Variants in SBF1 observed in about 807,000 individuals in gnomAD.
The protein encoded by SBF1 is SET binding factor 1.
SBF1 carries 65 observed loss-of-function variants against 215.8 expected under a neutral mutation model. That is an observed-to-expected ratio of 0.30 (90% CI 0.25 to 0.37). The LOEUF (loss-of-function observed/expected upper bound fraction) is 0.37. Ranked by LOEUF, SBF1 falls within the 10% of genes least tolerant of loss-of-function variation. SBF1 has a pLI of 1.00. For synonymous variants in SBF1, 1,410 were observed against 1,122.8 expected (o/e 1.26, Z -5.11); for missense variants, 2,634 against 2,667.8 (o/e 0.99, Z 0.28).
chr22:50,446,920 A>G lies in SBF1; in HGVS notation c.*222T>C, dbSNP rs2066846398. Reference sequence around the variant, plus strand: ...TATTTACAGGCCCATTGCGGGCTGTACCTTGGCCACCTCCCGGCACGGTGC... The same window carrying G: ...TATTTACAGGCCCATTGCGGGCTGTGCCTTGGCCACCTCCCGGCACGGTGC... On this transcript the variant is annotated 3_prime_UTR_variant, in exon 41 of 41. Transcript: ENST00000380817. 1.4e-6 allele frequency: 1 copy of G among 721,684 alleles called. No homozygotes were observed. The highest frequency in any genetic ancestry group is 2.5e-6 in the Non-Finnish European group (1 of 396,542). The allele number at this position is 721,684 out of a possible 1,614,324, so 44.7% of individuals were successfully genotyped here.
intron 36 of SBF1, among the ~76,000 whole-genome samples, chr22:50,451,399 G>A (rs1425493062): frequency 6.6e-6 from 1 of 152,090 alleles, no homozygotes; most frequent in African/African-American, 2.4e-5. Flanking sequence ...AAACAAGAAA[G>A]AAAAGAGTAG....
chr22:50,462,397 G>A lies in SBF1; in HGVS notation c.2204C>T (p.Pro735Leu). The A allele has an allele frequency of 1.2e-6, 2 of 1,613,962 alleles. No individual in the cohort carries two copies. Among genetic ancestry groups the A allele is most frequent in the East Asian group, 4.5e-5 (2 of 44,900 alleles). ...DVASEQRRLW[P>L]TLSREKQQEL... ...CTGCTGCTTCTCACGACTCAGAGTT[G>A]GCCACAAGCGCCGCTGCTCAGAAGC... Residue 735 changes from proline to leucine, a missense_variant, in exon 19 of 41, where the codon CCA becomes CTA. Pro to Leu is a moderately conservative substitution (Grantham distance 98, BLOSUM62 -3). Coordinates refer to ENST00000380817, the MANE Select transcript of SBF1 (RefSeq NM_002972.4).
intron 36 of SBF1, among the ~76,000 whole-genome samples, chr22:50,453,515 C>T (rs552934248): frequency 1.3e-5 from 2 of 152,198 alleles, no homozygotes; most frequent in Non-Finnish European, 2.9e-5. Context: ...AGGCCAGGCA[C>T]GGTGGCTCAC....
chr22:50,457,297 G>A lies in SBF1; in HGVS notation c.3827-186C>T, dbSNP rs2067294023. ...ATCCTGGTGTGGGCCTCTCTGCCAGGGCAGGGCAGGCCGCAGAGCACTCCG... is the reference window on the plus strand; with the variant it reads ...ATCCTGGTGTGGGCCTCTCTGCCAGAGCAGGGCAGGCCGCAGAGCACTCCG... On this transcript the variant is annotated intron_variant, in intron 28 of 40. Coordinates refer to ENST00000380817, the MANE Select transcript of SBF1 (RefSeq NM_002972.4). The A allele has an allele frequency of 8.4e-6, 4 of 478,308 alleles. No individual in the cohort carries two copies. The South Asian group carries it at 1.6e-4, about 19-fold the overall frequency. The allele number at this position is 478,308 out of a possible 1,614,324, so 29.6% of individuals were successfully genotyped here.
rs762248647 is a variant in SBF1, at chr22:50,461,654, T to C, written c.2708A>G (p.Tyr903Cys). The C allele has an allele frequency of 6.8e-6, 11 of 1,610,838 alleles. No homozygotes were observed. Among genetic ancestry groups the C allele is most frequent in the South Asian group, 4.4e-5 (4 of 91,040 alleles). Residue 903 changes from tyrosine to cysteine, a missense_variant, in exon 22 of 41, where the codon TAC becomes TGC. Coordinates refer to ENST00000380817, the MANE Select transcript of SBF1 (RefSeq NM_002972.4). ...EECVLDGLRVYLLPDGREEGA... is the reference protein window; with the variant it reads ...EECVLDGLRVCLLPDGREEGA... ...CTCCTCACGCCCATCCGGCAGCAGG[T>C]AGACGCGCAGGCCGTCCAGCACACA...
intron 34 of SBF1, 27 bp downstream of exon 34, chr22:50,454,989 C>T (rs758633209): frequency 2.5e-6 from 4 of 1,614,006 alleles, no homozygotes; most frequent in Non-Finnish European, 3.4e-6. Context: ...TGACCCGTGG[C>T]TGCCCCAGCC....
chr22:50,456,859 T>C (rs576504834), intron 29 of SBF1, among the ~76,000 whole-genome samples, 175 bp downstream of exon 29: 3 of 152,078 alleles, frequency 2.0e-5, no homozygotes, highest in Non-Finnish European at 4.4e-5. Flanking sequence ...TGGCAGCCAG[T>C]GTTAGTTTCT....
At chr22:50,458,380 G>A (rs535477435) in intron 28 of SBF1, among the ~76,000 whole-genome samples, 26 of 151,878 alleles carry the variant, frequency 1.7e-4, no homozygotes, top group African/African-American at 5.8e-4. Flanking sequence ...GAGCCCCTGA[G>A]CATTGCTGGG....
Position 50,447,044 on chromosome 22 carries a change from G to A in SBF1, c.*98C>T, listed in dbSNP as rs369556666. ...GCTGGGGGCTCGGGGCCTCAATACTGTCGAGGGCCGGGGCTGTAAACATGG... is the reference window on the plus strand; with the variant it reads ...GCTGGGGGCTCGGGGCCTCAATACTATCGAGGGCCGGGGCTGTAAACATGG... On this transcript the variant is annotated 3_prime_UTR_variant, in exon 41 of 41. Coordinates refer to ENST00000380817, the MANE Select transcript of SBF1 (RefSeq NM_002972.4). 3.6e-6 allele frequency: 4 copies of A among 1,106,840 alleles called. No individual in the cohort carries two copies. The highest frequency in any genetic ancestry group is 2.6e-5 in the East Asian group (1 of 38,766). 68.6% of individuals were successfully genotyped at this position (1,106,840 alleles called of 1,614,324 possible). A position where few individuals can be genotyped will look rare whatever the true frequency, so the allele number is the denominator to read the frequency against.
At position 50,446,911 on chromosome 22, in the gene SBF1, G is replaced by T. The variant is rs1171273479; in HGVS notation, c.*231C>A. The T allele has an allele frequency of 2.7e-6, 2 of 731,548 alleles. No individual in the cohort carries two copies. Among genetic ancestry groups the T allele is most frequent in the Non-Finnish European group, 5.0e-6 (2 of 401,432 alleles). The allele number at this position is 731,548 out of a possible 1,614,324, so 45.3% of individuals were successfully genotyped here. Reference sequence around the variant, plus strand: ...GGGCCGGACTATTTACAGGCCCATTGCGGGCTGTACCTTGGCCACCTCCCG... The same window carrying T: ...GGGCCGGACTATTTACAGGCCCATTTCGGGCTGTACCTTGGCCACCTCCCG... On this transcript the variant is annotated 3_prime_UTR_variant, in exon 41 of 41. Transcript: ENST00000380817.
At position 50,462,635 on chromosome 22, in the gene SBF1, G is replaced by A; in HGVS notation, c.2051C>T (p.Ala684Val). 1 of 1,612,798 alleles carries A rather than the reference G, an allele frequency of 6.2e-7. No homozygotes were observed. The highest frequency in any genetic ancestry group is 1.1e-5 in the South Asian group (1 of 90,916). Residue 684 changes from alanine to valine, a missense_variant, in exon 18 of 41, where the codon GCC becomes GTC. By Grantham distance (64) the Ala-to-Val change is moderately conservative. Transcript: ENST00000380817. ...VVWSTPQFWE[A>V]MFYGDVQTHI... The stretch of plus-strand genomic sequence containing the variant: ...AGTCTGCACATCCCCATAGAACATG[G>A]CCTCCCAGAACTGTGGCGTGCTCCA...
chr22:50,466,186 C>G lies in SBF1; in HGVS notation c.861G>C (p.Gly287=), dbSNP rs774008954. ...VLSTPTPFII[G]VNAAFQAETQ... The stretch of plus-strand genomic sequence containing the variant: ...TCTCTGCCTGGAAGGCCGCGTTGAC[C>G]CCAATGATGAAGGGCGTGGGTGTGC... Residue 287 remains glycine, a synonymous_variant, in exon 8 of 41, where the codon GGG becomes GGC. Transcript: ENST00000380817. 2.2e-5 allele frequency: 35 copies of G among 1,613,408 alleles called. No homozygotes were observed.
At position 50,448,792 on chromosome 22, in the gene SBF1, G is replaced by A. The variant is rs1050323499; in HGVS notation, c.5044-142C>T. On this transcript the variant is annotated intron_variant, in intron 36 of 40. Transcript: ENST00000380817. ...CTGGCCACAGGGGGAGGTGGCAAGA[G>A]GGAGGGAAGGAATATGCAAAATGAA... The A allele has an allele frequency of 2.4e-5, 15 of 634,702 alleles. No homozygotes were observed. In the Admixed American group the frequency reaches 4.0e-4, roughly 17 times the overall value. The allele number at this position is 634,702 out of a possible 1,614,324, so 39.3% of individuals were successfully genotyped here. A position where few individuals can be genotyped will look rare whatever the true frequency, so the allele number is the denominator to read the frequency against.
At chr22:50,450,039 G>A (rs1297515697) in intron 36 of SBF1, among the ~76,000 whole-genome samples, 1 of 152,234 alleles carries the variant, frequency 6.6e-6, no homozygotes, top group African/African-American at 2.4e-5. Flanking sequence ...GAGCCGAGGA[G>A]GCAGAGACGG....
At position 50,467,414 on chromosome 22, in the gene SBF1, T is replaced by C. The variant is rs1315828788; in HGVS notation, c.473A>G (p.Glu158Gly). The part of the protein sequence containing the change: ...SLGLIYAIHV[E>G]GLNVCLENVI... Reference sequence around the variant, plus strand: ...GTTCTCCAGGCACACATTCAGGCCCTCCACGTGGATGGCATAGATGAGGCC... The same window carrying C: ...GTTCTCCAGGCACACATTCAGGCCCCCCACGTGGATGGCATAGATGAGGCC... Residue 158 changes from glutamate to glycine, a missense_variant, in exon 5 of 41, where the codon GAG becomes GGG. Physicochemically the swap from Glu to Gly is moderately conservative, Grantham distance 98. Transcript: ENST00000380817. The C allele has an allele frequency of 9.9e-6, 16 of 1,614,022 alleles. No homozygotes were observed. The highest frequency in any genetic ancestry group is 6.7e-5 in the Admixed American group (4 of 60,004).
At chr22:50,456,972 C>A in intron 29 of SBF1, 62 bp downstream of exon 29, 1 of 1,306,872 alleles carries the variant, frequency 7.7e-7, no homozygotes, top group South Asian at 1.7e-5. Context: ...TAACTCAGTG[C>A]ACACTAGAGG....
In SBF1 at chr22:50,462,921, G is replaced by A. The variant is rs750516504; in HGVS notation, c.1917C>T (p.Asp639=). Residue 639 remains aspartate (D), a synonymous_variant, in exon 17 of 41, where the codon GAC becomes GAT. Coordinates refer to ENST00000380817, the MANE Select transcript of SBF1 (RefSeq NM_002972.4). The part of the protein sequence containing the change: ...NCCLQDCTSL[D]EHGIAAALLP... ...GCAGAGCCGCCGCAATGCCATGCTC[G>A]TCCAGAGAAGTGCAGTCCTGCAGGT... The A allele has an allele frequency of 9.9e-6, 16 of 1,613,062 alleles. No homozygotes were observed. The highest frequency in any genetic ancestry group is 8.3e-5 in the Admixed American group (5 of 59,962).
intron 6 of SBF1, 21 bp downstream of exon 6, chr22:50,466,584 G>A (rs2148602238): frequency 6.5e-7 from 1 of 1,542,376 alleles, no homozygotes; most frequent in East Asian, 2.4e-5. Context: ...AGCCATGCGG[G>A]GGTGGGACAG....
rs764019726 is a variant in SBF1, at chr22:50,447,213, A to G, written c.5611T>C (p.Phe1871Leu). 1.4e-5 allele frequency: 23 copies of G among 1,613,814 alleles called. No individual in the cohort carries two copies. Among genetic ancestry groups the G allele is most frequent in the Non-Finnish European group, 1.9e-5 (22 of 1,179,998 alleles). Residue 1871 changes from phenylalanine (F) to leucine (L), a missense_variant, in exon 41 of 41, where the codon TTC (phenylalanine) becomes CTC (leucine). Phe to Leu is a conservative substitution (Grantham distance 22). Coordinates refer to ENST00000380817, the MANE Select transcript of SBF1 (RefSeq NM_002972.4). ...DVKTTRRVYN[F>L]CAQDVPSAQQ... ...GCCGAGGGCACGTCCTGGGCACAGA[A>G]GTTGTAAACGCGACGCGTTGTCTTC...
Sources: gnomAD v4.1 joint callset for allele counts (sites outside exome capture counted in the v4.1 genomes callset) on GRCh38, gnomAD v4.1.1 for gene constraint, MANE v1.5 for transcripts, NCBI Gene and HGNC (gene_info 2026-07-23, HGNC 2026-07-21) for gene names.